TMEM182: variants seen among roughly 807,000 people sequenced by gnomAD.
TMEM182 encodes the protein transmembrane protein 182.
In TMEM182, 20 loss-of-function variants were observed where a neutral mutation model predicts 26.8. That is an observed-to-expected ratio of 0.75 (90% CI 0.53 to 1.09). TMEM182 has a LOEUF of 1.09. Ranked by LOEUF, TMEM182 falls within the 50% of genes least tolerant of loss-of-function variation. The pLI, the probability that TMEM182 is intolerant of heterozygous loss-of-function variation, is 0.00. For missense variants in TMEM182, 277 were observed against 275.5 expected, an observed-to-expected ratio of 1.01 and a Z score of -0.04; for synonymous variants, 109 against 102.2, an observed-to-expected ratio of 1.07 and a Z score of -0.40.
chr2:102,770,057 A>G (rs1348307733), intron 3 of TMEM182, among the ~76,000 whole-genome samples: 1 of 152,244 alleles, frequency 6.6e-6, no homozygotes, highest in African/African-American at 2.4e-5. Flanking sequence ...GATTTCAAAT[A>G]TAATCTTTAA....
At chr2:102,821,176 G>A (rs1324670086), downstream of TMEM182, among the ~76,000 whole-genome samples, 1 of 152,156 alleles carries the variant, frequency 6.6e-6, no homozygotes, top group Non-Finnish European at 1.5e-5. Flanking sequence ...TGAACATAAT[G>A]TGTAGCCTGC....
intron 4 of TMEM182, among the ~76,000 whole-genome samples, chr2:102,813,360 A>G (rs1399938935): frequency 1.3e-5 from 2 of 152,216 alleles, no homozygotes; most frequent in East Asian, 1.9e-4. Flanking sequence ...CTCTCTGCCA[A>G]TATGCCTCAG....
Position 102,817,464 on chromosome 2 carries a change from A to G in TMEM182, c.*2496A>G. The G allele has an allele frequency of 1.0e-6, 1 of 985,438 alleles. No individual in the cohort carries two copies. The highest frequency in any genetic ancestry group is 1.2e-6 in the Non-Finnish European group (1 of 829,924). 61.0% of individuals were successfully genotyped at this position (985,438 alleles called of 1,614,324 possible). On this transcript the variant is annotated 3_prime_UTR_variant, in exon 5 of 5. Coordinates refer to ENST00000412401, the MANE Select transcript of TMEM182 (RefSeq NM_144632.5). ...TTTGTTCAGCTGGTTTAATTCACTC[A>G]GGTGGATGATTGCACATACATTGGA...
chr2:102,764,094 T>C (rs28420146), intron 2 of TMEM182, among the ~76,000 whole-genome samples: 1 of 152,146 alleles, frequency 6.6e-6, no homozygotes, highest in African/African-American at 2.4e-5. Flanking sequence ...TTTATTCCAT[T>C]GAATTATGTC....
chr2:102,796,280 TC>T (rs1470510984), intron 3 of TMEM182, among the ~76,000 whole-genome samples: 1 of 152,218 alleles, frequency 6.6e-6, no homozygotes, highest in African/African-American at 2.4e-5. Flanking sequence ...TCCTTCTCAC[TC>T]CACTTGCTAT....
intron 3 of TMEM182, among the ~76,000 whole-genome samples, chr2:102,841,997 C>T (rs1049316570): frequency 1.3e-5 from 2 of 152,136 alleles, no homozygotes; most frequent in Non-Finnish European, 2.9e-5. Context: ...ACATCTGAAT[C>T]CAGATGCATC....
chr2:102,768,537 A>G (rs1165022580), intron 3 of TMEM182, among the ~76,000 whole-genome samples: 1 of 85,234 alleles, frequency 1.2e-5, no homozygotes. Flanking sequence ...AAAAAAAAAA[A>G]CACACACAAA....
At chr2:102,787,724 T>C (rs779261118) in intron 3 of TMEM182, among the ~76,000 whole-genome samples, 20 of 152,336 alleles carry the variant, frequency 1.3e-4, no homozygotes, top group African/African-American at 4.8e-4. Flanking sequence ...TGCAGAGGGA[T>C]CAGTGCCAAG....
chr2:102,840,481 G>T (rs759338497), intron 3 of TMEM182, among the ~76,000 whole-genome samples: 3 of 152,144 alleles, frequency 2.0e-5, no homozygotes, highest in Non-Finnish European at 4.4e-5. Flanking sequence ...CCTAAAACGG[G>T]GCAGGAACCA....
At chr2:102,835,201 G>T (rs1324610274) in intron 3 of TMEM182, among the ~76,000 whole-genome samples, 1 of 152,170 alleles carries the variant, frequency 6.6e-6, no homozygotes, top group Non-Finnish European at 1.5e-5. Context: ...TTGGCAAATG[G>T]TAACTTCATT....
chr2:102,838,822 T>A (rs1683296696), intron 3 of TMEM182, among the ~76,000 whole-genome samples: 1 of 152,162 alleles, frequency 6.6e-6, no homozygotes, highest in East Asian at 1.9e-4. Flanking sequence ...CCATGAGACC[T>A]CAACCAAGCC....
chr2:102,842,603 A>G (rs1683376088), intron 3 of TMEM182, among the ~76,000 whole-genome samples: 1 of 152,204 alleles, frequency 6.6e-6, no homozygotes, highest in Non-Finnish European at 1.5e-5. Context: ...TGTCACATAC[A>G]TCTCTGACCT....
chr2:102,816,341 G>A lies in TMEM182; in HGVS notation c.*1373G>A. The A allele has an allele frequency of 1.0e-6, 1 of 985,256 alleles. No homozygotes were observed. The highest frequency in any genetic ancestry group is 1.2e-6 in the Non-Finnish European group (1 of 829,914). 61.0% of individuals were successfully genotyped at this position (985,256 alleles called of 1,614,324 possible). The stretch of plus-strand genomic sequence containing the variant: ...AGTCACCACCCAGAAGATGCTCTGG[G>A]ATAGAGGAACTGCTCCTTTTCATCA... On this transcript the variant is annotated 3_prime_UTR_variant, in exon 5 of 5. Coordinates refer to ENST00000412401, the MANE Select transcript of TMEM182 (RefSeq NM_144632.5).
At chr2:102,838,305 G>A (rs371585454) in intron 3 of TMEM182, among the ~76,000 whole-genome samples, 11 of 152,182 alleles carry the variant, frequency 7.2e-5, no homozygotes, top group African/African-American at 2.4e-4. Context: ...TGGTGCAGTG[G>A]ACTACTGAGA....
At chr2:102,832,526 A>G (rs1683172833) in intron 3 of TMEM182, among the ~76,000 whole-genome samples, 1 of 152,226 alleles carries the variant, frequency 6.6e-6, no homozygotes, top group African/African-American at 2.4e-5. Context: ...ACTGTGCTCA[A>G]GTCCAGCACT....
intron 1 of TMEM182, among the ~76,000 whole-genome samples, chr2:102,747,573 T>C (rs997725484): frequency 6.6e-6 from 1 of 152,122 alleles, no homozygotes; most frequent in Non-Finnish European, 1.5e-5. Flanking sequence ...GGTAGGTATA[T>C]AGTAGGTAGA....
chr2:102,745,649 C>A (rs1362998357), intron 1 of TMEM182, among the ~76,000 whole-genome samples: 1 of 152,128 alleles, frequency 6.6e-6, no homozygotes, highest in African/African-American at 2.4e-5. Context: ...CCTCCAGTCC[C>A]TCTCAGCCCT....
intron 4 of TMEM182, among the ~76,000 whole-genome samples, chr2:102,806,767 TTCTGA>T (rs1285418736): frequency 5.9e-5 from 9 of 152,212 alleles, no homozygotes; most frequent in Non-Finnish European, 1.0e-4. Context: ...CATGACTACT[TTCTGA>T]GGTAGGCACT....
At chr2:102,826,975 A>G (rs574559953) in intron 3 of TMEM182, among the ~76,000 whole-genome samples, 11 of 152,350 alleles carry the variant, frequency 7.2e-5, no homozygotes, top group Admixed American at 2.0e-4. Flanking sequence ...TTTAAAAAGG[A>G]AAACACAGCA....
Sources: allele counts gnomAD v4.1 joint callset (sites outside exome capture counted in the v4.1 genomes callset), GRCh38; gene constraint gnomAD v4.1.1; transcripts MANE v1.5; gene names NCBI Gene and HGNC (gene_info 2026-07-23, HGNC 2026-07-21).